Variants in CARNMT1 observed in about 807,000 individuals in gnomAD.
CARNMT1 encodes the protein protein-L-histidine N-pros-methyltransferase CARNMT1.
CARNMT1 carries 28 observed loss-of-function variants against 49.6 expected under a neutral mutation model. The ratio of observed to expected loss-of-function variants is 0.56; its 90% CI spans 0.42 to 0.77. The LOEUF (loss-of-function observed/expected upper bound fraction) is 0.77. Among genes scored for constraint, CARNMT1 ranks in the 30% least tolerant of loss-of-function variants. CARNMT1 has a pLI of 0.00. For missense variants in CARNMT1, 421 were observed against 512.6 expected (o/e 0.82, Z 1.73); for synonymous variants, 178 against 175.0 (o/e 1.02, Z -0.13).
intron 3 of CARNMT1, among the ~76,000 whole-genome samples, chr9:75,003,120 C>T (rs1833409748): frequency 6.6e-6 from 1 of 152,128 alleles, no homozygotes; most frequent in African/African-American, 2.4e-5. Context: ...CATCAACTCC[C>T]AACAAAGAAC....
chr9:75,017,357 G>A lies in CARNMT1; in HGVS notation c.322C>T (p.His108Tyr). 6.2e-7 allele frequency: 1 copy of A among 1,613,980 alleles called. No homozygotes were observed. The highest frequency in any genetic ancestry group is 2.2e-5 in the East Asian group (1 of 44,852). Reference sequence around the variant, plus strand: ...ATGCATTTCCGGATCTTGTCCAAGTGAAGAAGAAACTGAGGAAGTAGTTTC... The same window carrying A: ...ATGCATTTCCGGATCTTGTCCAAGTAAAGAAGAAACTGAGGAAGTAGTTTC... ...QQKLLPQFLLHLDKIRKCIDH... is the reference protein window; with the variant it reads ...QQKLLPQFLLYLDKIRKCIDH... Residue 108 changes from histidine to tyrosine, a missense_variant, in exon 2 of 8, where the codon CAC becomes TAC. This residue lies in a region of CARNMT1 where 186 missense variants were observed against 167.9 expected (regional missense o/e 1.11). Transcript: ENST00000376834.
In CARNMT1 at chr9:74,983,469, C is replaced by T; in HGVS notation, c.*298G>A. 4.4e-6 allele frequency: 1 copy of T among 225,900 alleles called. No homozygotes were observed. Among genetic ancestry groups the T allele is most frequent in the South Asian group, 1.3e-4 (1 of 7,838 alleles). 14.0% of individuals were successfully genotyped at this position (225,900 alleles called of 1,614,324 possible). ...CTTGCAATGGACAGCATCATGAAGACACTGGAGATTAGGTTTTTTTCCTAC... is the reference window on the plus strand; with the variant it reads ...CTTGCAATGGACAGCATCATGAAGATACTGGAGATTAGGTTTTTTTCCTAC... On this transcript the variant is annotated 3_prime_UTR_variant, in exon 8 of 8. Coordinates refer to ENST00000376834, the MANE Select transcript of CARNMT1 (RefSeq NM_152420.3).
chr9:75,007,728 C>CAAA (rs201573769), intron 3 of CARNMT1, among the ~76,000 whole-genome samples: 20 of 80,000 alleles, frequency 2.5e-4, no homozygotes, highest in African/African-American at 6.2e-4. Flanking sequence ...GACCCTGTCT[C>CAAA]AAAAAAATAA....
chr9:75,003,579 A>AC (rs1833424978), intron 3 of CARNMT1, among the ~76,000 whole-genome samples: 1 of 152,170 alleles, frequency 6.6e-6, no homozygotes, highest in East Asian at 1.9e-4. Context: ...CTAATACAAT[A>AC]CCCCTGAATC....
intron 3 of CARNMT1, among the ~76,000 whole-genome samples, chr9:75,013,830 C>T (rs1160364379): frequency 6.6e-6 from 1 of 151,570 alleles, no homozygotes; most frequent in African/African-American, 2.4e-5. Context: ...ATAGCAAGAC[C>T]CCTGCCTCTA....
chr9:75,002,648 T>G (rs1399791432), intron 3 of CARNMT1, among the ~76,000 whole-genome samples: 2 of 152,252 alleles, frequency 1.3e-5, no homozygotes, highest in African/African-American at 2.4e-5. Flanking sequence ...AGCCCTGCTC[T>G]GCAGAGGCAG....
At chr9:75,027,251 G>T (rs778745676) in intron 1 of CARNMT1, 6 of 618,312 alleles carry the variant, frequency 9.7e-6, no homozygotes, top group Middle Eastern at 1.6e-3. Flanking sequence ...GGAAGTTAGG[G>T]AGCTGTTTTT....
intron 1 of CARNMT1, among the ~76,000 whole-genome samples, chr9:75,023,153 A>G (rs1822427315): frequency 6.6e-6 from 1 of 151,120 alleles, no homozygotes; most frequent in Non-Finnish European, 1.5e-5. Flanking sequence ...AAAAAAAAAA[A>G]GAAAAAGAAA....
chr9:75,019,129 A>T (rs1729590267), intron 1 of CARNMT1, among the ~76,000 whole-genome samples: 1 of 152,180 alleles, frequency 6.6e-6, no homozygotes, highest in Admixed American at 6.5e-5. Flanking sequence ...ATAATATGTG[A>T]AGACTAAACG....
chr9:74,987,606 C>T (rs992792188), intron 6 of CARNMT1, among the ~76,000 whole-genome samples: 10 of 152,010 alleles, frequency 6.6e-5, no homozygotes, highest in Non-Finnish European at 1.5e-4. Flanking sequence ...AAAGTAGTGA[C>T]AGCATGGTAT....
chr9:75,002,743 TTTC>T (rs905112838), intron 3 of CARNMT1, among the ~76,000 whole-genome samples: 3 of 152,070 alleles, frequency 2.0e-5, no homozygotes, highest in Non-Finnish European at 4.4e-5. Context: ...TAGTATTGAA[TTTC>T]TTTTTTTTAA....
chr9:74,988,067 TTTTTTAA>T (rs1477145738), intron 6 of CARNMT1, among the ~76,000 whole-genome samples: 1 of 152,120 alleles, frequency 6.6e-6, no homozygotes, highest in Non-Finnish European at 1.5e-5. Context: ...TCTTTTTTTC[TTTTTTAA>T]TTTTTAATTA....
At chr9:74,997,579 C>T (rs969964612) in intron 5 of CARNMT1, among the ~76,000 whole-genome samples, 1 of 152,098 alleles carries the variant, frequency 6.6e-6, no homozygotes, top group Non-Finnish European at 1.5e-5. Flanking sequence ...TCACTCTACT[C>T]CCTGATCCTC....
intron 3 of CARNMT1, among the ~76,000 whole-genome samples, chr9:75,002,440 C>T (rs769881386): frequency 1.7e-4 from 26 of 152,166 alleles, no homozygotes; most frequent in Non-Finnish European, 2.6e-4. Context: ...CTACATGTGG[C>T]TACTGAACAC....
At chr9:74,999,046 C>T (rs1363830139) in intron 4 of CARNMT1, among the ~76,000 whole-genome samples, 1 of 152,034 alleles carries the variant, frequency 6.6e-6, no homozygotes, top group Non-Finnish European at 1.5e-5. Context: ...TTCTAAACTT[C>T]AAAACCAAGT....
chr9:75,013,977 A>AAG (rs1204037690), intron 3 of CARNMT1, among the ~76,000 whole-genome samples: 15 of 149,666 alleles, frequency 1.0e-4, no homozygotes, highest in African/African-American at 1.5e-4. Flanking sequence ...TGTCAAAAAA[A>AAG]AGAGAGAGAG....
rs1832684489 is a variant in CARNMT1 at position 74,981,230 on chromosome 9, T to C, written c.*2537A>G. The C allele has an allele frequency of 6.6e-6, 1 of 152,160 alleles. No individual in the cohort carries two copies. The highest frequency in any genetic ancestry group is 1.5e-5 in the Non-Finnish European group (1 of 67,984). 9.4% of individuals were successfully genotyped at this position (152,160 alleles called of 1,614,324 possible). A position where few individuals can be genotyped will look rare whatever the true frequency, so the allele number is the denominator to read the frequency against. On this transcript the variant is annotated 3_prime_UTR_variant, in exon 8 of 8. Transcript: ENST00000376834. ...ATTTTTACAGCTTCTCCTTATATTG[T>C]ACATGTTCCACCTTGCTCACTTGAT...
intron 3 of CARNMT1, among the ~76,000 whole-genome samples, chr9:75,002,678 A>T (rs1271866263): frequency 6.6e-6 from 1 of 152,188 alleles, no homozygotes; most frequent in East Asian, 1.9e-4. Context: ...ATTTTTTTTT[A>T]ATATGAAAAA....
intron 6 of CARNMT1, among the ~76,000 whole-genome samples, chr9:74,992,826 A>G (rs1001766924): frequency 6.6e-5 from 10 of 152,160 alleles, no homozygotes; most frequent in African/African-American, 2.2e-4. Flanking sequence ...TGGCCATTAC[A>G]TTTCCCATTA....
Sources: allele counts gnomAD v4.1 joint callset (sites outside exome capture counted in the v4.1 genomes callset), GRCh38; gene constraint gnomAD v4.1.1; regional missense constraint gnomAD v4.1.1; transcripts MANE v1.5; gene names NCBI Gene and HGNC (gene_info 2026-07-23, HGNC 2026-07-21).